Variants in CCDC91 observed in about 807,000 individuals in gnomAD.
CCDC91 encodes coiled-coil domain containing 91.
In CCDC91, 48 loss-of-function variants were observed where a neutral mutation model predicts 63.2. That is an observed-to-expected ratio of 0.76 (90% CI 0.60 to 0.97). The LOEUF (loss-of-function observed/expected upper bound fraction) is 0.97. CCDC91 is among the 50% of genes least tolerant of loss of function. The probability of loss-of-function intolerance (pLI) is 0.00; values close to 1 mark genes in which losing one functional copy is unlikely to be tolerated. For synonymous variants in CCDC91, 167 were observed against 165.8 expected, an observed-to-expected ratio of 1.01 and a Z score of -0.06; for missense variants, 500 against 494.6, an observed-to-expected ratio of 1.01 and a Z score of -0.10.
chr12:28,498,088 CAACAAG>C (rs768791643), intron 12 of CCDC91, among the ~76,000 whole-genome samples: 18 of 151,580 alleles, frequency 1.2e-4, no homozygotes, highest in Non-Finnish European at 4.4e-5. Context: ...CTGTTAAGAA[CAACAAG>C]AACAACTTTA....
At chr12:28,346,525 A>G (rs1316682370) in intron 6 of CCDC91, among the ~76,000 whole-genome samples, 1 of 152,148 alleles carries the variant, frequency 6.6e-6, no homozygotes, top group Non-Finnish European at 1.5e-5. Context: ...CCGTCCCTTC[A>G]GTGTGTAGTA....
At position 28,259,446 on chromosome 12, in the gene CCDC91, T is replaced by C. The variant is rs759117922; in HGVS notation, c.109+4T>C. ...CCTTGGGCTGCCTTTCCTGCAGGTATTGGTATCCAGGAATTAGGGTTTTTT... is the reference window on the plus strand; with the variant it reads ...CCTTGGGCTGCCTTTCCTGCAGGTACTGGTATCCAGGAATTAGGGTTTTTT... On this transcript the variant is annotated splice_donor_region_variant and intron_variant, in intron 3 of 12. Coordinates refer to ENST00000536442, the MANE Select transcript of CCDC91 (RefSeq NM_018318.5). 6.1e-5 allele frequency: 96 copies of C among 1,574,092 alleles called. No individual in the cohort carries two copies. The highest frequency in any genetic ancestry group is 8.0e-5 in the Non-Finnish European group (92 of 1,146,292).
chr12:28,225,404 G>T, intron 1 of CCDC91, among the ~76,000 whole-genome samples: 1 of 151,690 alleles, frequency 6.6e-6, no homozygotes, highest in South Asian at 2.1e-4. Context: ...AGAACCTCCT[G>T]TATTGGCTGC....
intron 11 of CCDC91, 43 bp from the exon 12 acceptor site, chr12:28,484,009 T>C: frequency 8.5e-7 from 1 of 1,169,696 alleles, no homozygotes; most frequent in South Asian, 1.3e-5. Context: ...AGATATGTCA[T>C]AGTGCTCACC....
At chr12:28,442,214 C>T (rs1428497057) in intron 8 of CCDC91, among the ~76,000 whole-genome samples, 3 of 152,076 alleles carry the variant, frequency 2.0e-5, no homozygotes, top group African/African-American at 7.2e-5. Flanking sequence ...CAGGAGGATG[C>T]GTTGTCATTC....
intron 1 of CCDC91, among the ~76,000 whole-genome samples, chr12:28,214,438 A>G (rs186194464): frequency 3.3e-5 from 5 of 152,270 alleles, no homozygotes; most frequent in Admixed American, 2.6e-4. Flanking sequence ...CACTGGGTAA[A>G]CAGTCACAAC....
chr12:28,305,827 A>G, intron 4 of CCDC91, 21 bp downstream of exon 4: 4 of 1,592,380 alleles, frequency 2.5e-6, no homozygotes, highest in Non-Finnish European at 3.4e-6. Context: ...ACATATTTTT[A>G]AAGGAGGTTT....
intron 3 of CCDC91, among the ~76,000 whole-genome samples, chr12:28,286,090 G>A (rs995148644): frequency 6.6e-6 from 1 of 151,912 alleles, no homozygotes; most frequent in East Asian, 1.9e-4. Flanking sequence ...AATTGGAAGT[G>A]GCTTGAGTCA....
intron 8 of CCDC91, among the ~76,000 whole-genome samples, chr12:28,445,521 A>G (rs560890118): frequency 3.9e-5 from 6 of 152,330 alleles, no homozygotes; most frequent in African/African-American, 1.4e-4. Context: ...GCAAAACCCT[A>G]GAAAGCTGTG....
chr12:28,327,046 A>C (rs1331299319), intron 6 of CCDC91, among the ~76,000 whole-genome samples: 1 of 152,132 alleles, frequency 6.6e-6, no homozygotes, highest in East Asian at 1.9e-4. Flanking sequence ...GTCTGTTCTG[A>C]AATGGGCAGA....
At chr12:28,212,658 A>G (rs1016272087) in intron 1 of CCDC91, among the ~76,000 whole-genome samples, 5 of 152,182 alleles carry the variant, frequency 3.3e-5, no homozygotes, top group African/African-American at 1.2e-4. Flanking sequence ...TCATCTTGGG[A>G]AAATGTGAGC....
intron 3 of CCDC91, among the ~76,000 whole-genome samples, chr12:28,300,255 T>G (rs540522282): frequency 6.6e-6 from 1 of 151,592 alleles, no homozygotes. Context: ...TGATATGATA[T>G]AAGGGTTTAA....
intron 8 of CCDC91, among the ~76,000 whole-genome samples, chr12:28,421,546 T>C (rs1302696335): frequency 1.4e-5 from 2 of 146,344 alleles, no homozygotes; most frequent in Non-Finnish European, 3.0e-5. Flanking sequence ...ATCTCTTTCT[T>C]TTTTTTTTTT....
At chr12:28,541,265 T>C (rs1450865008) in intron 12 of CCDC91, among the ~76,000 whole-genome samples, 1 of 152,082 alleles carries the variant, frequency 6.6e-6, no homozygotes, top group Non-Finnish European at 1.5e-5. Flanking sequence ...AGACTTAATC[T>C]AGCATTATAG....
intron 1 of CCDC91, among the ~76,000 whole-genome samples, chr12:28,240,714 AGCT>A (rs1317979631): frequency 1.3e-5 from 2 of 151,736 alleles, no homozygotes; most frequent in African/African-American, 2.4e-5. Context: ...TCCTTTTTAT[AGCT>A]GATAAGTATT....
intron 11 of CCDC91, among the ~76,000 whole-genome samples, chr12:28,479,205 A>G (rs1466946107): frequency 6.6e-6 from 1 of 152,178 alleles, no homozygotes; most frequent in Non-Finnish European, 1.5e-5. Context: ...AAAGACTTGG[A>G]ACCAACCCAA....
At chr12:28,204,369 A>G (rs757800442) in intron 1 of CCDC91, among the ~76,000 whole-genome samples, 1 of 152,192 alleles carries the variant, frequency 6.6e-6, no homozygotes, top group Admixed American at 6.5e-5. Context: ...TTTCATGCTC[A>G]TATTAGCCAG....
intron 3 of CCDC91, among the ~76,000 whole-genome samples, chr12:28,279,940 T>C (rs1184452749): frequency 6.6e-6 from 1 of 152,182 alleles, no homozygotes; most frequent in Non-Finnish European, 1.5e-5. Flanking sequence ...GTCTAAAATA[T>C]GATAACATCA....
At chr12:28,308,194 T>C (rs1394499249) in intron 6 of CCDC91, among the ~76,000 whole-genome samples, 3 of 152,032 alleles carry the variant, frequency 2.0e-5, no homozygotes, top group Non-Finnish European at 4.4e-5. Context: ...TCTTTCTAAT[T>C]GCTAAGACTA....
Sources: allele counts gnomAD v4.1 joint callset (sites outside exome capture counted in the v4.1 genomes callset), GRCh38; gene constraint gnomAD v4.1.1; transcripts MANE v1.5; gene names NCBI Gene and HGNC (gene_info 2026-07-23, HGNC 2026-07-21).